Variants in CFH observed in about 807,000 individuals in gnomAD.
CFH encodes H factor 1 (complement).
CFH carries 53 observed loss-of-function variants against 147.3 expected under a neutral mutation model. The observed-to-expected ratio is 0.36, with a 90% confidence interval of 0.29 to 0.45. The LOEUF is 0.45. CFH is among the 20% of genes least tolerant of loss of function. The probability of loss-of-function intolerance (pLI) is 1.00; values close to 1 mark genes in which losing one functional copy is unlikely to be tolerated. For synonymous variants in CFH, 536 were observed against 489.4 expected, an observed-to-expected ratio of 1.10 and a Z score of -1.26; for missense variants, 1,380 against 1,498.0, an observed-to-expected ratio of 0.92 and a Z score of 1.30.
At chr1:196,740,837 A>C in intron 18 of CFH, 45 bp downstream of exon 18, 2 of 1,575,494 alleles carry the variant, frequency 1.3e-6, no homozygotes. Flanking sequence ...AATATTCTTC[A>C]TTCAAAGTGT....
chr1:196,707,830 A>G (rs538281210), intron 9 of CFH, among the ~76,000 whole-genome samples: 8 of 152,202 alleles, frequency 5.3e-5, no homozygotes, highest in Non-Finnish European at 1.2e-4. Flanking sequence ...TTTGAGCATA[A>G]CAGGAATGTT....
intron 3 of CFH, among the ~76,000 whole-genome samples, chr1:196,674,813 C>G (rs973465703): frequency 6.6e-6 from 1 of 152,234 alleles, no homozygotes; most frequent in South Asian, 2.1e-4. Flanking sequence ...TATATCTCTT[C>G]ACTACCATTT....
intron 20 of CFH, among the ~76,000 whole-genome samples, chr1:196,744,951 G>A (rs768769377): frequency 1.3e-5 from 2 of 151,998 alleles, no homozygotes; most frequent in African/African-American, 2.4e-5. Flanking sequence ...GTAAAAGATC[G>A]TGTCACTGGA....
chr1:196,669,147 C>T (rs1214995529), intron 1 of CFH, among the ~76,000 whole-genome samples: 3 of 152,206 alleles, frequency 2.0e-5, no homozygotes, highest in East Asian at 1.9e-4. Context: ...CAACATTTTG[C>T]CCCTTCCCTA....
intron 1 of CFH, among the ~76,000 whole-genome samples, chr1:196,657,973 C>A (rs7551203): frequency 6.6e-6 from 1 of 151,908 alleles, no homozygotes; most frequent in Non-Finnish European, 1.5e-5. Flanking sequence ...GATATATTGA[C>A]ATTGAAAATA....
intron 1 of CFH, among the ~76,000 whole-genome samples, chr1:196,666,455 C>T (rs145596707): frequency 6.6e-6 from 1 of 151,858 alleles, no homozygotes; most frequent in East Asian, 1.9e-4. Flanking sequence ...ATCATATTCT[C>T]ATTTATATTA....
intron 10 of CFH, 48 bp downstream of exon 10, chr1:196,713,965 A>C: frequency 1.3e-6 from 2 of 1,541,178 alleles, no homozygotes; most frequent in African/African-American, 2.7e-5. Context: ...GATACACAAA[A>C]GTTTACTAAC....
At chr1:196,731,353 G>A (rs989371348) in intron 15 of CFH, among the ~76,000 whole-genome samples, 1 of 151,814 alleles carries the variant, frequency 6.6e-6, no homozygotes, top group Admixed American at 6.6e-5. Context: ...ATTTTAAGCT[G>A]ATAGGAACTG....
intron 11 of CFH, among the ~76,000 whole-genome samples, chr1:196,719,004 G>A (rs956553806): frequency 7.9e-5 from 12 of 151,986 alleles, no homozygotes; most frequent in African/African-American, 2.9e-4. Context: ...TGTCCTAGGA[G>A]GTCTCTTCTT....
chr1:196,697,108 G>T (rs1478607056), intron 9 of CFH, among the ~76,000 whole-genome samples: 1 of 152,310 alleles, frequency 6.6e-6, no homozygotes, highest in East Asian at 1.9e-4. Context: ...AGGACTTCAT[G>T]TCTAAAATAC....
At chr1:196,661,294 T>A (rs1666893904) in intron 1 of CFH, among the ~76,000 whole-genome samples, 1 of 152,260 alleles carries the variant, frequency 6.6e-6, no homozygotes, top group South Asian at 2.1e-4. Flanking sequence ...TTTTCTTTCT[T>A]ATGAAATATT....
rs1322198105 is a variant in CFH, at chr1:196,736,305, A to G, written c.2414-519A>G. 2.0e-5 allele frequency among the ~76,000 whole-genome samples: 3 copies of G among 152,090 alleles called. No homozygotes were observed. In the East Asian group the frequency reaches 5.8e-4, roughly 29 times the overall value. On this transcript the variant is annotated intron_variant, in intron 15 of 21. Coordinates refer to ENST00000367429, the MANE Select transcript of CFH (RefSeq NM_000186.4). ...AGCACACTATAAATCACTAGTGATT[A>G]TATTTAATGCTTATATTGGTCAAGT...
intron 1 of CFH, among the ~76,000 whole-genome samples, chr1:196,670,837 C>A (rs987364915): frequency 2.0e-5 from 3 of 152,096 alleles, no homozygotes; most frequent in African/African-American, 7.2e-5. Context: ...GAGCTGATTT[C>A]TTTCATCAAT....
chr1:196,681,911 C>T (rs1667671535), intron 6 of CFH, among the ~76,000 whole-genome samples: 5 of 151,800 alleles, frequency 3.3e-5, no homozygotes, highest in Admixed American at 3.3e-4. Context: ...AATCTATACA[C>T]ATCATTTTCT....
chr1:196,714,637 A>ATATATGTATATATG (rs1668807880), intron 10 of CFH, among the ~76,000 whole-genome samples: 1 of 20,648 alleles, frequency 4.8e-5, no homozygotes, highest in African/African-American at 2.9e-4. Context: ...GTATATATGT[A>ATATATGTATATATG]TATATATATA....
At chr1:196,703,982 CAAAAA>C (rs386369224) in intron 9 of CFH, among the ~76,000 whole-genome samples, 102 of 60,604 alleles carry the variant, frequency 1.7e-3, no homozygotes, top group Non-Finnish European at 2.3e-3. Flanking sequence ...AAGACTCTGT[CAAAAA>C]AAAAAAAAAA....
intron 9 of CFH, among the ~76,000 whole-genome samples, chr1:196,705,676 A>T (rs1156420782): frequency 6.6e-6 from 1 of 152,120 alleles, no homozygotes; most frequent in Non-Finnish European, 1.5e-5. Flanking sequence ...ACAGCTGGAC[A>T]TTGTTATGAT....
At chr1:196,665,211 G>A (rs961786301) in intron 1 of CFH, among the ~76,000 whole-genome samples, 23 of 151,444 alleles carry the variant, frequency 1.5e-4, no homozygotes, top group African/African-American at 5.6e-4. Context: ...TAATTTTTCA[G>A]TTAAATTTTC....
At position 196,681,470 on chromosome 1, in the gene CFH, TCACACA is replaced by T. The variant is rs3043111; in HGVS notation, c.790+1699_790+1704del. Among the ~76,000 whole-genome samples the T allele has an allele frequency of 3.4e-5, 5 of 148,138 alleles. No homozygotes were observed. The South Asian group carries it at 6.4e-4, about 19-fold the overall frequency. ...TTGCTTCTCTTGAACACTAATTGAT[TCACACA>T]CACACACACACACACACACACCCCT... On this transcript the variant is annotated intron_variant, in intron 6 of 21. Coordinates refer to ENST00000367429, the MANE Select transcript of CFH (RefSeq NM_000186.4).
Sources: gnomAD v4.1 joint callset for allele counts (sites outside exome capture counted in the v4.1 genomes callset) on GRCh38, gnomAD v4.1.1 for gene constraint, MANE v1.5 for transcripts, NCBI Gene and HGNC (gene_info 2026-07-23, HGNC 2026-07-21) for gene names.